The following ZNF469 variants were observed in gnomAD, a reference collection of about 807,000 sequenced individuals.
ZNF469 encodes zinc finger protein 469.
A neutral mutation model predicts 1.0 loss-of-function variants in ZNF469; 1 was observed. The ratio of observed to expected loss-of-function variants is 1.00; its 90% CI spans 0.35 to 4.73. The LOEUF is 4.73. ZNF469 is among the 30% of genes most tolerant of loss of function. ZNF469 has a pLI of 0.16. For missense variants in ZNF469, 6,100 were observed against 5,356.3 expected, an observed-to-expected ratio of 1.14 and a Z score of -4.33; for synonymous variants, 2,703 against 2,363.4, an observed-to-expected ratio of 1.14 and a Z score of -4.17.
At chr16:88,221,758 T>C in the ZNF469 span, among the ~76,000 whole-genome samples, 1 of 152,126 alleles carries the variant, frequency 6.6e-6, no homozygotes, top group Non-Finnish European at 1.5e-5. Flanking sequence ...CAGGGCTGAC[T>C]CCTTCTGGGG....
the ZNF469 span, among the ~76,000 whole-genome samples, chr16:88,135,748 G>GTTTTTTTTTTTTTTTTTT: frequency 1.5e-5 from 1 of 66,926 alleles, no homozygotes; most frequent in African/African-American, 4.9e-5. Flanking sequence ...AGCTGGCCAT[G>GTTTTTTTTTTTTTTTTTT]TTTTTTTTTT....
chr16:88,382,165 G>T (rs1243442919), upstream of ZNF469, among the ~76,000 whole-genome samples: 1 of 152,252 alleles, frequency 6.6e-6, no homozygotes, highest in South Asian at 2.1e-4. Context: ...CTGCACCCCT[G>T]CCCTTGGAGG....
the ZNF469 span, among the ~76,000 whole-genome samples, chr16:88,318,935 C>A: frequency 6.6e-6 from 1 of 152,256 alleles, no homozygotes. Context: ...GTATGACACC[C>A]AGAGATAAAC....
the ZNF469 span, among the ~76,000 whole-genome samples, chr16:88,151,244 C>T: frequency 9.2e-5 from 14 of 152,338 alleles, no homozygotes; most frequent in Admixed American, 1.3e-4. This position sits in a 1 kb window ranked among gnomAD's most constrained non-coding sequence, Gnocchi z 5.4. Context: ...GGGCTTCATC[C>T]AGGCCTCGAC....
chr16:88,438,028 A>C lies in ZNF469; in HGVS notation c.10558A>C (p.Thr3520Pro), dbSNP rs1335332296. The change falls in exon 3 of 3, where the codon ACC becomes CCC. Residue 3520 changes from threonine (T) to proline (P), a missense_variant. Transcript: ENST00000565624. ...HLCSEVAPST[T>P]KGWPETLERP... Reference sequence around the variant, plus strand: ...GTGTTCGGAGGTGGCTCCCAGCACCACCAAGGGATGGCCCGAGACCCTAGA... The same window carrying C: ...GTGTTCGGAGGTGGCTCCCAGCACCCCCAAGGGATGGCCCGAGACCCTAGA... 1.8e-5 allele frequency: 28 copies of C among 1,549,868 alleles called. No homozygotes were observed. Among genetic ancestry groups the C allele is most frequent in the Non-Finnish European group, 2.4e-5 (27 of 1,146,914 alleles).
chr16:88,388,355 G>A (rs1273301897), intron 1 of ZNF469, among the ~76,000 whole-genome samples: 3 of 152,238 alleles, frequency 2.0e-5, no homozygotes, highest in South Asian at 2.1e-4. Context: ...CCCAGCCAGC[G>A]GCCAAACAGA....
chr16:88,240,813 A>T, the ZNF469 span, among the ~76,000 whole-genome samples: 192 of 152,314 alleles, frequency 1.3e-3, 6 homozygotes, highest in African/African-American at 4.3e-3. Context: ...CTTGTGATGG[A>T]AAAGTCCTTC....
upstream of ZNF469, among the ~76,000 whole-genome samples, chr16:88,379,961 A>C (rs1194314162): frequency 6.6e-6 from 1 of 152,148 alleles, no homozygotes; most frequent in Non-Finnish European, 1.5e-5. Context: ...ACTCTGAGTG[A>C]GGGCTTCTGT....
chr16:88,195,697 G>C, the ZNF469 span, among the ~76,000 whole-genome samples: 1 of 152,232 alleles, frequency 6.6e-6, no homozygotes, highest in African/African-American at 2.4e-5. Flanking sequence ...AGGGGGAAGA[G>C]GGCTCTTGCT....
the ZNF469 span, among the ~76,000 whole-genome samples, chr16:88,193,183 A>G: frequency 4.0e-3 from 39 of 9,698 alleles, 2 homozygotes; most frequent in East Asian, 9.8e-3. Flanking sequence ...GATGGTGGTG[A>G]TGGTGGTGGT....
chr16:88,269,791 C>A, the ZNF469 span, among the ~76,000 whole-genome samples: 15 of 152,288 alleles, frequency 9.8e-5, no homozygotes, highest in African/African-American at 3.4e-4. Context: ...CCATGAGTTA[C>A]AACCTCAGTG....
the ZNF469 span, among the ~76,000 whole-genome samples, chr16:88,348,502 G>A: frequency 6.6e-6 from 1 of 152,322 alleles, no homozygotes; most frequent in Admixed American, 6.5e-5. Context: ...CATTGCACCT[G>A]CCTCAAGACC....
the ZNF469 span, among the ~76,000 whole-genome samples, chr16:88,262,642 G>A: frequency 5.1e-4 from 77 of 152,046 alleles, no homozygotes; most frequent in African/African-American, 1.7e-3. This position sits in a 1 kb window ranked among gnomAD's most constrained non-coding sequence, Gnocchi z 4.3. Context: ...CTCCCTATTG[G>A]GGTCCCCTCC....
chr16:88,276,558 C>T, the ZNF469 span: 1 of 152,302 alleles, frequency 6.6e-6, no homozygotes, highest in Admixed American at 6.5e-5. Flanking sequence ...CACATCGCCA[C>T]TGCCAGGCAT....
the ZNF469 span, among the ~76,000 whole-genome samples, chr16:88,260,840 C>T: frequency 3.0e-4 from 46 of 152,010 alleles, no homozygotes; most frequent in African/African-American, 7.3e-4. This position sits in a 1 kb window ranked among gnomAD's most constrained non-coding sequence, Gnocchi z 4.1. Flanking sequence ...CATGGTGGGG[C>T]GGCGTCTGAT....
chr16:88,256,951 T>TTTCTTTC, the ZNF469 span, among the ~76,000 whole-genome samples: 608 of 16,610 alleles, frequency 0.037, 13 homozygotes, highest in East Asian at 0.072. Flanking sequence ...TCTTTCTTTC[T>TTTCTTTC]TTTCTTTTCT....
At chr16:88,343,569 G>C in the ZNF469 span, among the ~76,000 whole-genome samples, 2 of 152,150 alleles carry the variant, frequency 1.3e-5, no homozygotes, top group African/African-American at 4.8e-5. Flanking sequence ...CTGGAGACTG[G>C]GAAGTCCAAG....
chr16:88,203,601 C>T, the ZNF469 span, among the ~76,000 whole-genome samples: 2 of 152,194 alleles, frequency 1.3e-5, no homozygotes, highest in South Asian at 4.1e-4. Context: ...GGCCATGCTG[C>T]CTGGGGGGTC....
chr16:88,123,167 C>T, the ZNF469 span, among the ~76,000 whole-genome samples: 1 of 152,198 alleles, frequency 6.6e-6, no homozygotes. Context: ...CCTGGAAAGG[C>T]CCTGCTCCAC....
Sources: allele counts gnomAD v4.1 joint callset (sites outside exome capture counted in the v4.1 genomes callset), GRCh38; gene constraint gnomAD v4.1.1; non-coding constraint Gnocchi (gnomAD v3.1); transcripts MANE v1.5; gene names NCBI Gene and HGNC (gene_info 2026-07-23, HGNC 2026-07-21).